The following VTI1B variants were observed in gnomAD, a reference collection of about 807,000 sequenced individuals.
VTI1B encodes the protein vesicle transport through interaction with t-SNAREs homolog 1B.
Under a neutral mutation model 28.6 loss-of-function variants are expected in VTI1B, and 18 were observed. The observed-to-expected ratio is 0.63, with a 90% confidence interval of 0.43 to 0.93. The LOEUF is 0.93. Ranked by LOEUF, VTI1B falls within the 40% of genes least tolerant of loss-of-function variation. VTI1B has a pLI of 0.00. For missense variants in VTI1B, 283 were observed against 297.0 expected (o/e 0.95, Z 0.35); for synonymous variants, 100 against 107.9 (o/e 0.93, Z 0.46).
intron 1 of VTI1B, among the ~76,000 whole-genome samples, chr14:67,671,598 G>C (rs942885975): frequency 2.0e-5 from 3 of 152,186 alleles, no homozygotes; most frequent in African/African-American, 7.2e-5. Context: ...GCAGGATGGA[G>C]AAAAAGGCTG....
intron 2 of VTI1B, 121 bp from the exon 3 acceptor site, chr14:67,660,043 A>C: frequency 4.0e-6 from 4 of 1,009,942 alleles, no homozygotes; most frequent in Non-Finnish European, 5.7e-6. Flanking sequence ...AAATAACCAT[A>C]TGCTCCATGA....
At position 67,674,360 on chromosome 14, in the gene VTI1B, C is replaced by G; in HGVS notation, c.115+15G>C. The G allele has an allele frequency of 6.3e-7, 1 of 1,576,552 alleles. No homozygotes were observed. The highest frequency in any genetic ancestry group is 8.6e-7 in the Non-Finnish European group (1 of 1,163,224). ...AGGGCTGCGCTCCCCACGGCGTGGC[C>G]CACCCCCGCCTCACCGGTCCCCGCC... On this transcript the variant is annotated intron_variant, in intron 1 of 5. Transcript: ENST00000554659.
At chr14:67,657,537 A>C (rs146163143) in intron 3 of VTI1B, among the ~76,000 whole-genome samples, 128 of 152,182 alleles carry the variant, frequency 8.4e-4, no homozygotes, top group African/African-American at 2.9e-3. Flanking sequence ...CAGAATTAAC[A>C]ACCACTGACA....
In VTI1B at chr14:67,650,533, G is replaced by GTT; in HGVS notation, c.*850_*851dup. 1 of 611,996 alleles carries GTT rather than the reference G, an allele frequency of 1.6e-6. No homozygotes were observed. Among genetic ancestry groups the GTT allele is most frequent in the Admixed American group, 2.9e-5 (1 of 34,914 alleles). The allele number at this position is 611,996 out of a possible 1,614,324, so 37.9% of individuals were successfully genotyped here. ...TTTTAATCTACTATAGCACAACAGT[G>GTT]TTTTAACTTAAATTCATGGCCAAGA... On this transcript the variant is annotated 3_prime_UTR_variant, in exon 6 of 6. Coordinates refer to ENST00000554659, the MANE Select transcript of VTI1B (RefSeq NM_006370.3).
At position 67,659,905 on chromosome 14, in the gene VTI1B, C is replaced by G; in HGVS notation, c.192G>C (p.Glu64Asp). Residue 64 changes from glutamate to aspartate, a missense_variant, in exon 3 of 6, where the codon GAG (glutamate) becomes GAC (aspartate). Glu to Asp is a conservative substitution (Grantham distance 45). Transcript: ENST00000554659. ...EANETLAEME[E>D]ELRYAPLSFR... ...AAGACAGGGGTGCATAACGTAGCTC[C>G]TCCTCCATCTCTGCCAGCTGGGAAG... is the stretch of plus-strand genomic sequence containing the variant. The G allele has an allele frequency of 6.2e-7, 1 of 1,613,376 alleles. No individual in the cohort carries two copies. Among genetic ancestry groups the G allele is most frequent in the Non-Finnish European group, 8.5e-7 (1 of 1,179,614 alleles).
chr14:67,663,554 T>C lies in VTI1B; in HGVS notation c.116-1019A>G, dbSNP rs551900090. Among the ~76,000 whole-genome samples, 7 of 151,180 alleles carry C rather than the reference T, an allele frequency of 4.6e-5. No individual in the cohort carries two copies. The East Asian group carries it at 1.2e-3, about 25-fold the overall frequency. ...CCTGGTGTGGTGGTGGGCGCCTGTA[T>C]TCCCAGCTACTCAGGAGGCTGAGGC... is the stretch of plus-strand genomic sequence containing the variant. On this transcript the variant is annotated intron_variant, in intron 1 of 5. Transcript: ENST00000554659.
intron 2 of VTI1B, among the ~76,000 whole-genome samples, chr14:67,661,918 A>G (rs2037340614): frequency 6.6e-6 from 1 of 152,038 alleles, no homozygotes; most frequent in African/African-American, 2.4e-5. Context: ...GTACTTTGGG[A>G]GGCCGAGGCG....
Position 67,659,921 on chromosome 14 carries a change from A to G in VTI1B, c.176T>C (p.Leu59Pro), listed in dbSNP as rs1049964441. 5.0e-6 allele frequency: 8 copies of G among 1,612,440 alleles called. No individual in the cohort carries two copies. Among genetic ancestry groups the G allele is most frequent in the Non-Finnish European group, 6.8e-6 (8 of 1,179,008 alleles). ...ACGTAGCTCCTCCTCCATCTCTGCC[A>G]GCTGGGAAGGCAGAAAGTAGTGAGC... ...DEKQQEANET[L>P]AEMEEELRYA... The change falls in exon 3 of 6, where the codon CTG becomes CCG. Residue 59 changes from leucine to proline, a missense_variant and splice_region_variant. Physicochemically the swap from Leu to Pro is moderately conservative, Grantham distance 98. Coordinates refer to ENST00000554659, the MANE Select transcript of VTI1B (RefSeq NM_006370.3).
At chr14:67,663,850 G>C (rs2037369693) in intron 1 of VTI1B, among the ~76,000 whole-genome samples, 1 of 152,060 alleles carries the variant, frequency 6.6e-6, no homozygotes, top group East Asian at 1.9e-4. Context: ...GCCAGGTTCG[G>C]GCCTGCCTCA....
intron 3 of VTI1B, 75 bp downstream of exon 3, chr14:67,659,656 C>A: frequency 1.4e-6 from 2 of 1,426,824 alleles, no homozygotes; most frequent in Non-Finnish European, 1.9e-6. Flanking sequence ...CATGAAATAC[C>A]CCAACAATAT....
Position 67,648,313 on chromosome 14 carries a change from A to G in VTI1B, c.*3072T>C. 1 of 1,033,242 alleles carries G rather than the reference A, an allele frequency of 9.7e-7. No homozygotes were observed. Among genetic ancestry groups the G allele is most frequent in the East Asian group, 2.6e-5 (1 of 38,364 alleles). The allele number at this position is 1,033,242 out of a possible 1,614,324, so 64.0% of individuals were successfully genotyped here. On this transcript the variant is annotated 3_prime_UTR_variant, in exon 6 of 6. Transcript: ENST00000554659. The stretch of plus-strand genomic sequence containing the variant: ...TGTTTTTGCTTAAACTTTTGTAGCT[A>G]AAAATTATATGGCCATGCTAATAAA...
At chr14:67,666,058 A>C (rs992210951) in intron 1 of VTI1B, among the ~76,000 whole-genome samples, 5 of 152,220 alleles carry the variant, frequency 3.3e-5, no homozygotes, top group Admixed American at 6.5e-5. Flanking sequence ...AAGCTGTCCC[A>C]AAAGTGCTGA....
intron 1 of VTI1B, among the ~76,000 whole-genome samples, chr14:67,663,564 C>T (rs2037365479): frequency 6.6e-6 from 1 of 151,030 alleles, no homozygotes; most frequent in Admixed American, 6.6e-5. Flanking sequence ...TTCCCAGCTA[C>T]TCAGGAGGCT....
intron 5 of VTI1B, 42 bp from the exon 6 acceptor site, chr14:67,651,523 T>C: frequency 6.2e-7 from 1 of 1,606,022 alleles, no homozygotes; most frequent in Non-Finnish European, 8.5e-7. Context: ...GAAGTTTGGA[T>C]AACCTTCCTT....
At chr14:67,666,282 C>T (rs867243116) in intron 1 of VTI1B, among the ~76,000 whole-genome samples, 4 of 152,180 alleles carry the variant, frequency 2.6e-5, no homozygotes, top group South Asian at 2.1e-4. Flanking sequence ...TCTCAAGAGG[C>T]AAATTCTAGA....
In VTI1B at chr14:67,661,645, C is replaced by G. The variant is rs1359194415; in HGVS notation, c.174+832G>C. Among the ~76,000 whole-genome samples the G allele has an allele frequency of 2.0e-5, 3 of 151,382 alleles. No homozygotes were observed. The East Asian group carries it at 5.8e-4, about 29-fold the overall frequency. Reference sequence around the variant, plus strand: ...CCTCCCAGGCTGAAGTGATCTCCCACCTCAGCCTCCTGAGTAGCTGGGTCC... The same window carrying G: ...CCTCCCAGGCTGAAGTGATCTCCCAGCTCAGCCTCCTGAGTAGCTGGGTCC... On this transcript the variant is annotated intron_variant, in intron 2 of 5. Transcript: ENST00000554659.
At chr14:67,657,804 A>AGTGGC (rs1222434809) in intron 3 of VTI1B, among the ~76,000 whole-genome samples, 2 of 139,394 alleles carry the variant, frequency 1.4e-5, no homozygotes, top group Non-Finnish European at 3.0e-5. Context: ...GCTGGAGTGG[A>AGTGGC]GTGGCAAGAT....
rs573065377 is a variant in VTI1B at position 67,653,370 on chromosome 14, C to T, written c.602+67G>A. 2.9e-5 allele frequency: 42 copies of T among 1,432,946 alleles called. No homozygotes were observed. The South Asian group carries it at 4.5e-4, about 15-fold the overall frequency. The allele number at this position is 1,432,946 out of a possible 1,614,324, so 88.8% of individuals were successfully genotyped here. A position where few individuals can be genotyped will look rare whatever the true frequency, so the allele number is the denominator to read the frequency against. ...GCTTTATGAGGACCTTTGTAAGTCA[C>T]TATTTTAAGCTTTTTGGTTGAAAGC... On this transcript the variant is annotated intron_variant, in intron 5 of 5. Coordinates refer to ENST00000554659, the MANE Select transcript of VTI1B (RefSeq NM_006370.3).
intron 1 of VTI1B, among the ~76,000 whole-genome samples, chr14:67,663,372 A>G (rs1294083637): frequency 6.6e-6 from 1 of 152,126 alleles, no homozygotes; most frequent in Admixed American, 6.6e-5. Flanking sequence ...AAGTTGACAT[A>G]AAGAAAATGT....
Sources: allele counts gnomAD v4.1 joint callset (sites outside exome capture counted in the v4.1 genomes callset), GRCh38; gene constraint gnomAD v4.1.1; transcripts MANE v1.5; gene names NCBI Gene and HGNC (gene_info 2026-07-23, HGNC 2026-07-21).